Variants in COMMD2 observed in about 807,000 individuals in gnomAD.
COMMD2 encodes the protein COMM domain-containing protein 2.
COMMD2 carries 25 observed loss-of-function variants against 22.5 expected under a neutral mutation model. The observed-to-expected ratio is 1.11, with a 90% CI of 0.81 to 1.55. COMMD2 has a LOEUF of 1.55. Ranked by LOEUF, COMMD2 falls within the 40% of genes most tolerant of loss-of-function variation. COMMD2 has a pLI of 0.00. For synonymous variants in COMMD2, 98 were observed against 91.2 expected (o/e 1.07, Z -0.42); for missense variants, 223 against 232.9 (o/e 0.96, Z 0.28).
chr3:149,739,837 T>C lies in COMMD2; in HGVS notation c.*1684A>G, dbSNP rs1367768083. On this transcript the variant is annotated 3_prime_UTR_variant, in exon 5 of 5. Coordinates refer to ENST00000473414, the MANE Select transcript of COMMD2 (RefSeq NM_016094.4). ...ATTATAGTTTGCTGACATCTAATAA[T>C]ATAGTTGTTTCACAACGGCAGAATA... 1 of 152,198 alleles carries C rather than the reference T, an allele frequency of 6.6e-6. No individual in the cohort carries two copies. The highest frequency in any genetic ancestry group is 1.5e-5 in the Non-Finnish European group (1 of 68,026). 9.4% of individuals were successfully genotyped at this position (152,198 alleles called of 1,614,324 possible).
At chr3:149,748,022 A>G (rs1278981990) in intron 4 of COMMD2, among the ~76,000 whole-genome samples, 1 of 151,520 alleles carries the variant, frequency 6.6e-6, no homozygotes, top group Non-Finnish European at 1.5e-5. Context: ...GGAGGAGTAC[A>G]TGGAGTCAAG....
chr3:149,745,261 C>T (rs1204260596), intron 4 of COMMD2, among the ~76,000 whole-genome samples: 2 of 152,134 alleles, frequency 1.3e-5, no homozygotes, highest in Non-Finnish European at 2.9e-5. Context: ...TGTTCTTTGC[C>T]GTATCTACAG....
rs542349271 is a variant in COMMD2 at position 149,750,498 on chromosome 3, A to G, written c.402+180T>C. On this transcript the variant is annotated intron_variant, in intron 4 of 4. Transcript: ENST00000473414. ...CTTACAAACTTTGCAAATTAAACTGATTTGAACACACTGAAAATAAAAGAA... is the reference window on the plus strand; with the variant it reads ...CTTACAAACTTTGCAAATTAAACTGGTTTGAACACACTGAAAATAAAAGAA... 3 of 547,796 alleles carry G rather than the reference A, an allele frequency of 5.5e-6. No individual in the cohort carries two copies. The South Asian group carries it at 7.3e-5, about 13-fold the overall frequency. 33.9% of individuals were successfully genotyped at this position (547,796 alleles called of 1,614,324 possible). A position where few individuals can be genotyped will look rare whatever the true frequency, so the allele number is the denominator to read the frequency against.
chr3:149,749,078 A>C (rs1716453261), intron 4 of COMMD2, among the ~76,000 whole-genome samples: 1 of 151,570 alleles, frequency 6.6e-6, no homozygotes, highest in Non-Finnish European at 1.5e-5. Flanking sequence ...GCAGTGGCAC[A>C]ATCTCGGCTC....
intron 4 of COMMD2, among the ~76,000 whole-genome samples, chr3:149,746,640 A>G (rs6787252): frequency 0.34 from 51,441 of 150,266 alleles, 9,647 homozygotes; most frequent in Middle Eastern, 0.55. Flanking sequence ...AAAATTAGCC[A>G]GGTGTGCTGG....
At chr3:149,746,861 T>C (rs1328798882) in intron 4 of COMMD2, among the ~76,000 whole-genome samples, 7 of 152,154 alleles carry the variant, frequency 4.6e-5, no homozygotes, top group Admixed American at 4.6e-4. Flanking sequence ...TCAGGAAACT[T>C]AGAATCATGA....
intron 4 of COMMD2, among the ~76,000 whole-genome samples, chr3:149,746,617 A>C (rs1038436414): frequency 4.8e-4 from 10 of 20,866 alleles, no homozygotes; most frequent in African/African-American, 5.0e-4. Flanking sequence ...TAAAAATACA[A>C]AAAAAAAAAA....
rs536475998 is a variant in COMMD2, at chr3:149,738,892, G to A, written c.*2629C>T. On this transcript the variant is annotated 3_prime_UTR_variant, in exon 5 of 5. Transcript: ENST00000473414. ...ACCTTTCCCGTTTACTGTCTTAAATGTGCCCAATCTCGGAAATATCAATAA... is the reference window on the plus strand; with the variant it reads ...ACCTTTCCCGTTTACTGTCTTAAATATGCCCAATCTCGGAAATATCAATAA... 6.6e-6 allele frequency: 1 copy of A among 152,132 alleles called. No homozygotes were observed. The highest frequency in any genetic ancestry group is 6.5e-5 in the Admixed American group (1 of 15,286). 9.4% of individuals were successfully genotyped at this position (152,132 alleles called of 1,614,324 possible).
intron 2 of COMMD2, 72 bp downstream of exon 2, chr3:149,752,138 C>A (rs1716548353): frequency 3.2e-6 from 4 of 1,268,726 alleles, no homozygotes; most frequent in Non-Finnish European, 4.5e-6. Context: ...TAATCCGTTT[C>A]TCTCCCGGGA....
rs987584687 is a variant in COMMD2, at chr3:149,741,322, T to C, written c.*199A>G. The C allele has an allele frequency of 3.7e-6, 2 of 537,488 alleles. No homozygotes were observed. The highest frequency in any genetic ancestry group is 3.3e-6 in the Non-Finnish European group (1 of 302,804). The allele number at this position is 537,488 out of a possible 1,614,324, so 33.3% of individuals were successfully genotyped here. A position where few individuals can be genotyped will look rare whatever the true frequency, so the allele number is the denominator to read the frequency against. On this transcript the variant is annotated 3_prime_UTR_variant, in exon 5 of 5. Transcript: ENST00000473414. ...ACCTCATGATTTGCCCACCTCGGCC[T>C]CCCAAAGTGCTGGGATAACTGGCAT...
chr3:149,744,318 T>C (rs1281036149), intron 4 of COMMD2, among the ~76,000 whole-genome samples: 1 of 152,222 alleles, frequency 6.6e-6, no homozygotes, highest in African/African-American at 2.4e-5. Context: ...TTCATGTAGC[T>C]ACAGTTCCTA....
At chr3:149,750,926 T>G in intron 3 of COMMD2, 75 bp from the exon 4 acceptor site, 1 of 933,610 alleles carries the variant, frequency 1.1e-6, no homozygotes, top group Admixed American at 2.8e-5. Context: ...CACAAAAGAA[T>G]ATGATATCCT....
chr3:149,739,278 A>G lies in COMMD2; in HGVS notation c.*2243T>C, dbSNP rs1716144720. The G allele has an allele frequency of 2.6e-5, 4 of 152,244 alleles. No homozygotes were observed. Among genetic ancestry groups the G allele is most frequent in the Admixed American group, 2.6e-4 (4 of 15,282 alleles). 9.4% of individuals were successfully genotyped at this position (152,244 alleles called of 1,614,324 possible). On this transcript the variant is annotated 3_prime_UTR_variant, in exon 5 of 5. Transcript: ENST00000473414. ...CAAATATCAAATGTTATATAAAACAAACAATGCAGGGGAATCCACAAGGAT... is the reference window on the plus strand; with the variant it reads ...CAAATATCAAATGTTATATAAAACAGACAATGCAGGGGAATCCACAAGGAT...
In COMMD2 at chr3:149,750,727, G is replaced by A. The variant is rs372757591; in HGVS notation, c.353C>T (p.Ala118Val). ...KEIRTILSEL[A>V]PSLPSYHNLE... ...GTTATGATAACTGGGAAGGCTTGGT[G>A]CCAATTCACTCAGAATCGTTCTGAT... The change falls in exon 4 of 5, where the codon GCA (alanine) becomes GTA (valine). Residue 118 changes from alanine to valine, a missense_variant. Transcript: ENST00000473414. 1.3e-4 allele frequency: 215 copies of A among 1,602,534 alleles called. No homozygotes were observed. Among genetic ancestry groups the A allele is most frequent in the Non-Finnish European group, 1.7e-4 (198 of 1,173,836 alleles).
rs1262671568 is a variant in COMMD2 at position 149,741,417 on chromosome 3, T to C, written c.*104A>G. 2.2e-6 allele frequency: 2 copies of C among 894,952 alleles called. No homozygotes were observed. Among genetic ancestry groups the C allele is most frequent in the African/African-American group, 1.7e-5 (1 of 59,478 alleles). The allele number at this position is 894,952 out of a possible 1,614,324, so 55.4% of individuals were successfully genotyped here. On this transcript the variant is annotated 3_prime_UTR_variant, in exon 5 of 5. Transcript: ENST00000473414. ...TTGGAATAGATACTGAGGAATACTA[T>C]GTATTTATCATCATGAATTAATAAA...
Position 149,740,865 on chromosome 3 carries a change from G to T in COMMD2, c.*656C>A, listed in dbSNP as rs1371252227. Reference sequence around the variant, plus strand: ...GTCATTCATATATACAGAACATATAGATTCATTTCTAGTTGATTCAATCCT... The same window carrying T: ...GTCATTCATATATACAGAACATATATATTCATTTCTAGTTGATTCAATCCT... On this transcript the variant is annotated 3_prime_UTR_variant, in exon 5 of 5. Coordinates refer to ENST00000473414, the MANE Select transcript of COMMD2 (RefSeq NM_016094.4). The T allele has an allele frequency of 6.6e-6, 1 of 152,468 alleles. No homozygotes were observed. The highest frequency in any genetic ancestry group is 1.5e-5 in the Non-Finnish European group (1 of 68,016). The allele number at this position is 152,468 out of a possible 1,614,324, so 9.4% of individuals were successfully genotyped here. A position where few individuals can be genotyped will look rare whatever the true frequency, so the allele number is the denominator to read the frequency against.
In COMMD2 at chr3:149,752,277, C is replaced by T; in HGVS notation, c.78G>A (p.Glu26=). 1 of 1,614,036 alleles carries T rather than the reference C, an allele frequency of 6.2e-7. No individual in the cohort carries two copies. The highest frequency in any genetic ancestry group is 1.1e-5 in the South Asian group (1 of 91,070). ...LPQVDSAVVA[E]FGRIAVEFLR... The stretch of plus-strand genomic sequence containing the variant: ...GGAATTCCACAGCAATCCGCCCAAA[C>T]TCGGCGACCACTGCAATGAAAGTCA... The change falls in exon 2 of 5, where the codon GAG becomes GAA. Residue 26 remains glutamate, a synonymous_variant. Coordinates refer to ENST00000473414, the MANE Select transcript of COMMD2 (RefSeq NM_016094.4).
intron 4 of COMMD2, among the ~76,000 whole-genome samples, chr3:149,747,913 A>C (rs1716422929): frequency 7.3e-6 from 1 of 137,442 alleles, no homozygotes; most frequent in Non-Finnish European, 1.5e-5. Flanking sequence ...GCGCCACTGC[A>C]CTCCAGTCTG....
At position 149,741,020 on chromosome 3, in the gene COMMD2, A is replaced by G. The variant is rs921849262; in HGVS notation, c.*501T>C. On this transcript the variant is annotated 3_prime_UTR_variant, in exon 5 of 5. Transcript: ENST00000473414. The stretch of plus-strand genomic sequence containing the variant: ...CAGTTAGCACCAGGAAAGGAACTTT[A>G]CTTTAGCTTCTGATTACTTTTTTAT... 5.2e-5 allele frequency: 8 copies of G among 152,692 alleles called. No individual in the cohort carries two copies. The highest frequency in any genetic ancestry group is 1.7e-4 in the African/African-American group (7 of 41,554). The allele number at this position is 152,692 out of a possible 1,614,324, so 9.5% of individuals were successfully genotyped here. A position where few individuals can be genotyped will look rare whatever the true frequency, so the allele number is the denominator to read the frequency against.
Sources: allele counts gnomAD v4.1 joint callset (sites outside exome capture counted in the v4.1 genomes callset), GRCh38; gene constraint gnomAD v4.1.1; transcripts MANE v1.5; gene names NCBI Gene and HGNC (gene_info 2026-07-23, HGNC 2026-07-21).